SULF1: variants seen among roughly 807,000 people sequenced by gnomAD.
SULF1 encodes the protein sulfatase 1.
In SULF1, 46 loss-of-function variants were observed where a neutral mutation model predicts 110.5. The ratio of observed to expected loss-of-function variants is 0.42; its 90% CI spans 0.33 to 0.53. The LOEUF (loss-of-function observed/expected upper bound fraction) is 0.53. Ranked by LOEUF, SULF1 falls within the 20% of genes least tolerant of loss-of-function variation. SULF1 has a pLI of 0.12. For synonymous variants in SULF1, 371 were observed against 387.1 expected (o/e 0.96, Z 0.49); for missense variants, 941 against 1,094.2 (o/e 0.86, Z 1.98).
chr8:69,480,604 T>C (rs577110430), intron 1 of SULF1, among the ~76,000 whole-genome samples: 2 of 152,302 alleles, frequency 1.3e-5, no homozygotes, highest in African/African-American at 4.8e-5. Flanking sequence ...TATGCATCTA[T>C]ATAATTTGCA....
upstream of SULF1, among the ~76,000 whole-genome samples, chr8:69,491,004 G>C (rs1809913281): frequency 6.6e-6 from 1 of 152,096 alleles, no homozygotes; most frequent in African/African-American, 2.4e-5. Flanking sequence ...GGAACTTGAG[G>C]CCAAAATTCT....
intron 13 of SULF1, among the ~76,000 whole-genome samples, chr8:69,612,513 A>ATTGTT (rs58787912): frequency 1.3e-5 from 2 of 151,442 alleles, no homozygotes; most frequent in Non-Finnish European, 3.0e-5. Context: ...GCCAACATCT[A>ATTGTT]TTGTTTTGTT....
At chr8:69,612,589 T>A (rs1808750269) in intron 13 of SULF1, among the ~76,000 whole-genome samples, 1 of 152,230 alleles carries the variant, frequency 6.6e-6, no homozygotes, top group East Asian at 1.9e-4. Context: ...TTAATTTGCA[T>A]TTCCTTGATG....
rs751669517 is a variant in SULF1, at chr8:69,624,024, GGAA to G, written c.1690_1692del (p.Glu564del). 8.1e-6 allele frequency: 13 copies of G among 1,614,100 alleles called. No individual in the cohort carries two copies. Among genetic ancestry groups the G allele is most frequent in the Non-Finnish European group, 1.0e-5 (12 of 1,180,008 alleles). On this transcript the variant is annotated inframe_deletion, in exon 15 of 23. Coordinates refer to ENST00000402687, the MANE Select transcript of SULF1 (RefSeq NM_001128205.2). Reference sequence around the variant, plus strand: ...AAGGTGAAATATATGACATAAATCTGGAAGAAGAAGAAGAATTGCAAGTGTTGC... The same window carrying G: ...AAGGTGAAATATATGACATAAATCTGGAAGAAGAAGAATTGCAAGTGTTGC...
intron 3 of SULF1, among the ~76,000 whole-genome samples, chr8:69,529,042 A>C (rs980375117): frequency 6.6e-6 from 1 of 152,176 alleles, no homozygotes; most frequent in Non-Finnish European, 1.5e-5. Context: ...TTACATATAC[A>C]AAGTTATTTA....
intron 3 of SULF1, among the ~76,000 whole-genome samples, chr8:69,506,231 A>AACAT (rs1476739617): frequency 8.8e-6 from 1 of 113,178 alleles, no homozygotes; most frequent in Non-Finnish European, 1.9e-5. Flanking sequence ...GATAACACTA[A>AACAT]ACATACACAC....
chr8:69,560,250 G>A (rs1366934192), intron 3 of SULF1, among the ~76,000 whole-genome samples: 2 of 152,146 alleles, frequency 1.3e-5, no homozygotes, highest in Non-Finnish European at 1.5e-5. Context: ...ACCTTTGGGA[G>A]CAACAGGGCT....
At chr8:69,649,029 G>A (rs1812135212) in intron 22 of SULF1, among the ~76,000 whole-genome samples, 1 of 152,144 alleles carries the variant, frequency 6.6e-6, no homozygotes, top group Non-Finnish European at 1.5e-5. Context: ...TCACCTGTCA[G>A]AACAAGCCTA....
At chr8:69,603,679 C>T (rs754792630) in intron 12 of SULF1, 23 bp downstream of exon 12, 27 of 1,567,478 alleles carry the variant, frequency 1.7e-5, no homozygotes, top group Non-Finnish European at 2.2e-5. Flanking sequence ...TCCTGGGGTG[C>T]TTCTGGGAAC....
rs1078495 is a variant in SULF1, at chr8:69,600,494, A to G, written c.735-109A>G. On this transcript the variant is annotated intron_variant, in intron 8 of 22. Transcript: ENST00000402687. ...GATAGTTGGAAGAGGAAAATGTTTT[A>G]GCAGTGTCTCAATTATCTCTCCTTA... 0.19 allele frequency: 197,794 copies of G among 1,047,658 alleles called. 19,970 individuals carry two copies. Among genetic ancestry groups the G allele is most frequent in the Admixed American group, 0.35 (13,936 of 39,930 alleles). The allele number at this position is 1,047,658 out of a possible 1,614,324, so 64.9% of individuals were successfully genotyped here. A position where few individuals can be genotyped will look rare whatever the true frequency, so the allele number is the denominator to read the frequency against.
At chr8:69,536,876 C>A (rs1022191959) in intron 3 of SULF1, among the ~76,000 whole-genome samples, 3 of 152,152 alleles carry the variant, frequency 2.0e-5, no homozygotes, top group Non-Finnish European at 4.4e-5. Flanking sequence ...CTTTATGGCC[C>A]TCCCAGGGAG....
chr8:69,635,332 T>C (rs1353545743), intron 19 of SULF1, among the ~76,000 whole-genome samples: 2 of 152,220 alleles, frequency 1.3e-5, no homozygotes, highest in East Asian at 3.8e-4. Flanking sequence ...TATAGGCTCA[T>C]TGATTGTAAC....
intron 3 of SULF1, among the ~76,000 whole-genome samples, chr8:69,516,279 G>C (rs1219476393): frequency 6.6e-6 from 1 of 152,150 alleles, no homozygotes; most frequent in East Asian, 1.9e-4. Flanking sequence ...GAGGCCTCAG[G>C]AGACTTACAA....
At chr8:69,577,140 C>T (rs552774931) in intron 6 of SULF1, among the ~76,000 whole-genome samples, 3 of 152,314 alleles carry the variant, frequency 2.0e-5, no homozygotes, top group East Asian at 3.9e-4. Flanking sequence ...CTCAAAGTCT[C>T]GACTCGAAGC....
chr8:69,555,412 C>T (rs1815045836), intron 3 of SULF1, among the ~76,000 whole-genome samples: 2 of 152,240 alleles, frequency 1.3e-5, no homozygotes, highest in African/African-American at 2.4e-5. Context: ...AATCCCAGCA[C>T]TTTGGGAGGC....
In SULF1 at chr8:69,589,175, A is replaced by G. The variant is rs375088053; in HGVS notation, c.734+34A>G. ...CAAACTCAACTCTGCGACCTGCCGA[A>G]CATGCCTTTCCCTTTTCTCCTCATC... On this transcript the variant is annotated intron_variant, in intron 8 of 22. Transcript: ENST00000402687. 64 of 1,597,422 alleles carry G rather than the reference A, an allele frequency of 4.0e-5. No individual in the cohort carries two copies. In the African/African-American group the frequency reaches 8.2e-4, roughly 20 times the overall value.
intron 3 of SULF1, among the ~76,000 whole-genome samples, chr8:69,552,714 C>A (rs1814814927): frequency 6.6e-6 from 1 of 152,232 alleles, no homozygotes; most frequent in Admixed American, 6.5e-5. Flanking sequence ...TTCCAACTCT[C>A]TCCCATAATT....
chr8:69,642,304 G>A (rs1364726605), intron 22 of SULF1: 1 of 987,076 alleles, frequency 1.0e-6, no homozygotes, highest in Non-Finnish European at 1.2e-6. Flanking sequence ...TAGAGAGAAG[G>A]TCATTAGTCC....
intron 1 of SULF1, among the ~76,000 whole-genome samples, chr8:69,481,495 G>A (rs1201876259): frequency 2.0e-5 from 3 of 152,134 alleles, no homozygotes; most frequent in Admixed American, 1.3e-4. Context: ...TGAGCAGGTT[G>A]TGCAGGTGTG....
Sources: gnomAD v4.1 joint callset for allele counts (sites outside exome capture counted in the v4.1 genomes callset) on GRCh38, gnomAD v4.1.1 for gene constraint, MANE v1.5 for transcripts, NCBI Gene and HGNC (gene_info 2026-07-23, HGNC 2026-07-21) for gene names.